FBXO15: variants seen among roughly 807,000 people sequenced by gnomAD.
FBXO15 encodes F-box only protein 15.
FBXO15 carries 30 observed loss-of-function variants against 49.5 expected under a neutral mutation model. That is an observed-to-expected ratio of 0.61 (90% CI 0.45 to 0.82). The LOEUF is 0.82. Ranked by LOEUF, FBXO15 falls within the 40% of genes least tolerant of loss-of-function variation. The probability of loss-of-function intolerance (pLI) is 0.00; values close to 1 mark genes in which losing one functional copy is unlikely to be tolerated. For missense variants in FBXO15, 591 were observed against 631.5 expected (o/e 0.94, Z 0.69); for synonymous variants, 250 against 232.7 (o/e 1.07, Z -0.68).
intron 6 of FBXO15, 73 bp from the exon 7 acceptor site, chr18:74,124,644 T>TCA: frequency 7.8e-7 from 1 of 1,281,760 alleles, no homozygotes; most frequent in Non-Finnish European, 1.1e-6. Context: ...ATTGTGAAGA[T>TCA]CACAGCACAT....
chr18:74,086,520 C>T (rs1037068262), intron 8 of FBXO15, among the ~76,000 whole-genome samples: 2 of 152,212 alleles, frequency 1.3e-5, no homozygotes, highest in Non-Finnish European at 2.9e-5. Flanking sequence ...GCTCTGCCTC[C>T]TGGGTTCAGC....
chr18:74,108,521 C>G (rs1290369275), intron 8 of FBXO15, among the ~76,000 whole-genome samples: 1 of 136,552 alleles, frequency 7.3e-6, no homozygotes, highest in Non-Finnish European at 1.5e-5. Flanking sequence ...AAAAAAAAGA[C>G]GGAAAAAAAA....
intron 8 of FBXO15, among the ~76,000 whole-genome samples, chr18:74,084,724 A>G (rs887834390): frequency 6.6e-6 from 1 of 152,136 alleles, no homozygotes; most frequent in Non-Finnish European, 1.5e-5. Flanking sequence ...TTCCAGTGAC[A>G]CTGTACTGGT....
intron 8 of FBXO15, among the ~76,000 whole-genome samples, chr18:74,095,416 C>T (rs546270890): frequency 1.3e-5 from 2 of 152,268 alleles, no homozygotes; most frequent in South Asian, 4.1e-4. Flanking sequence ...GCTTAGAGGC[C>T]ACTGTAGGAT....
chr18:74,077,637 C>A (rs1912308298), intron 9 of FBXO15, among the ~76,000 whole-genome samples: 1 of 152,150 alleles, frequency 6.6e-6, no homozygotes, highest in Non-Finnish European at 1.5e-5. Flanking sequence ...GAGTGGGGAG[C>A]AGGTGGGGAA....
chr18:74,082,519 T>C (rs551774884), intron 8 of FBXO15, among the ~76,000 whole-genome samples: 2 of 152,346 alleles, frequency 1.3e-5, no homozygotes, highest in South Asian at 4.1e-4. Flanking sequence ...CCAACACCTC[T>C]GCACATGCTT....
intron 8 of FBXO15, among the ~76,000 whole-genome samples, chr18:74,114,022 T>C (rs915435256): frequency 1.3e-5 from 2 of 152,208 alleles, no homozygotes; most frequent in Non-Finnish European, 2.9e-5. Context: ...GGATGTGGTC[T>C]AGGCATTTGG....
rs753797827 is a variant in FBXO15 at position 74,130,534 on chromosome 18, A to G, written c.457T>C (p.Tyr153His). The change falls in exon 4 of 10, where the codon TAT (tyrosine) becomes CAT (histidine). Residue 153 changes from tyrosine (Y) to histidine (H), a missense_variant. Coordinates refer to ENST00000419743, the MANE Select transcript of FBXO15 (RefSeq NM_001142958.2). ...TTTGTGATATATTCTTTCTTCCAAT[A>G]ACCAGCTTCTTTATCCTGAACTGAC... ...FLSVQDKEAGYWKKEYITKQI... is the reference protein window; with the variant it reads ...FLSVQDKEAGHWKKEYITKQI... 5.6e-6 allele frequency: 9 copies of G among 1,614,164 alleles called. No individual in the cohort carries two copies. In the South Asian group the frequency reaches 9.9e-5, roughly 18 times the overall value.
intron 8 of FBXO15, among the ~76,000 whole-genome samples, chr18:74,100,910 T>C (rs767209236): frequency 5.3e-4 from 81 of 152,164 alleles, no homozygotes; most frequent in Non-Finnish European, 5.1e-4. Flanking sequence ...ATTGAAATGG[T>C]AATTTAAAAA....
intron 6 of FBXO15, 75 bp downstream of exon 6, chr18:74,125,900 G>C: frequency 6.4e-7 from 1 of 1,554,632 alleles, no homozygotes; most frequent in Non-Finnish European, 8.7e-7. Context: ...TACATTTGAA[G>C]TCATACATAA....
chr18:74,095,818 A>G (rs1364134293), intron 8 of FBXO15, among the ~76,000 whole-genome samples: 1 of 152,188 alleles, frequency 6.6e-6, no homozygotes, highest in Non-Finnish European at 1.5e-5. Context: ...CAGATCCAAC[A>G]TGGTAGCACA....
chr18:74,104,676 T>A (rs1365566929), intron 8 of FBXO15, among the ~76,000 whole-genome samples: 1 of 152,152 alleles, frequency 6.6e-6, no homozygotes, highest in East Asian at 1.9e-4. Flanking sequence ...TAGACGGTAA[T>A]AATGGAGAAA....
At chr18:74,099,488 A>G (rs1210559922) in intron 8 of FBXO15, 4 of 152,192 alleles carry the variant, frequency 2.6e-5, no homozygotes, top group Non-Finnish European at 5.9e-5. Flanking sequence ...CATAAATCTC[A>G]CAGGACCTAT....
Position 74,130,646 on chromosome 18 carries a change from G to A in FBXO15, c.345C>T (p.Ile115=), listed in dbSNP as rs775099298. The A allele has an allele frequency of 2.1e-5, 34 of 1,612,338 alleles. No individual in the cohort carries two copies. The East Asian group carries it at 2.7e-4, about 13-fold the overall frequency. ...GTGAAAAAGCAGTTGAGTAGATTCC[G>A]ATCCAAATAAAACTGGAGGGAAAAG... The part of the protein sequence containing the change: ...YHLANDNFIW[I]GIYSTAFSPA... The change falls in exon 4 of 10, where the codon ATC becomes ATT. Residue 115 remains isoleucine (I), a synonymous_variant. Coordinates refer to ENST00000419743, the MANE Select transcript of FBXO15 (RefSeq NM_001142958.2).
intron 8 of FBXO15, among the ~76,000 whole-genome samples, chr18:74,105,685 A>C (rs1369373515): frequency 6.6e-6 from 1 of 151,838 alleles, no homozygotes; most frequent in Non-Finnish European, 1.5e-5. Flanking sequence ...TGACCTTGTG[A>C]CCTGCCCATC....
At chr18:74,100,985 G>A (rs539556083) in intron 8 of FBXO15, among the ~76,000 whole-genome samples, 98 of 152,124 alleles carry the variant, frequency 6.4e-4, no homozygotes, top group Non-Finnish European at 1.3e-3. Flanking sequence ...GACACTCAAA[G>A]AATTGGTACC....
At chr18:74,110,286 T>G (rs1913964822) in intron 8 of FBXO15, among the ~76,000 whole-genome samples, 1 of 150,934 alleles carries the variant, frequency 6.6e-6, no homozygotes, top group Non-Finnish European at 1.5e-5. Context: ...TATTTTGTTA[T>G]TATAAGGTAT....
intron 1 of FBXO15, among the ~76,000 whole-genome samples, chr18:74,143,651 T>C (rs1424170050): frequency 2.0e-5 from 3 of 152,226 alleles, no homozygotes. Context: ...ATGGTCTCCA[T>C]AGAGTTAACA....
chr18:74,121,633 G>C (rs1414204605), intron 8 of FBXO15, among the ~76,000 whole-genome samples: 2 of 152,114 alleles, frequency 1.3e-5, no homozygotes, highest in African/African-American at 4.8e-5. Flanking sequence ...CAAAGACAAA[G>C]AGGATATCTA....
Sources: gnomAD v4.1 joint callset for allele counts (sites outside exome capture counted in the v4.1 genomes callset) on GRCh38, gnomAD v4.1.1 for gene constraint, MANE v1.5 for transcripts, NCBI Gene and HGNC (gene_info 2026-07-23, HGNC 2026-07-21) for gene names.